Variants in ADCY9 observed in about 807,000 individuals in gnomAD.
The protein encoded by ADCY9 is adenylate cyclase 9.
A neutral mutation model predicts 101.5 loss-of-function variants in ADCY9; 50 were observed. The observed-to-expected ratio is 0.49, with a 90% CI of 0.39 to 0.62. The LOEUF is 0.62. ADCY9 is among the 20% of genes least tolerant of loss of function. The pLI, the probability that ADCY9 is intolerant of heterozygous loss-of-function variation, is 0.00. For missense variants in ADCY9, 1,662 were observed against 1,800.4 expected, an observed-to-expected ratio of 0.92 and a Z score of 1.39; for synonymous variants, 905 against 769.3, an observed-to-expected ratio of 1.18 and a Z score of -2.92.
At chr16:3,969,078 C>T (rs1234763325) in intron 10 of ADCY9, among the ~76,000 whole-genome samples, 4 of 152,140 alleles carry the variant, frequency 2.6e-5, no homozygotes, top group Non-Finnish European at 5.9e-5. Context: ...CCCGCCTCGG[C>T]CTCCCAAAGT....
rs544041362 is a variant in ADCY9, at chr16:4,068,324, CA to C, written c.1693+45425del. 3.5e-4 allele frequency among the ~76,000 whole-genome samples: 49 copies of C among 139,042 alleles called. 1 individual carries two copies. The highest frequency in any genetic ancestry group is 1.1e-3 in the South Asian group (5 of 4,412). The allele number at this position is 139,042 out of a possible 152,430, so 91.2% of individuals were successfully genotyped here. A position where few individuals can be genotyped will look rare whatever the true frequency, so the allele number is the denominator to read the frequency against. On this transcript the variant is annotated intron_variant, in intron 2 of 10. Coordinates refer to ENST00000294016, the MANE Select transcript of ADCY9 (RefSeq NM_001116.4). ...TCTAATAATAAAATCATATCTGTTG[CA>C]AAAAAAAAACAAAGCAAAAAAAATA...
rs1358886221 is a variant in ADCY9, at chr16:4,007,556, A to C, written c.1696T>G (p.Leu566Val). 3.7e-6 allele frequency: 6 copies of C among 1,605,940 alleles called. No individual in the cohort carries two copies. The South Asian group carries it at 5.6e-5, about 15-fold the overall frequency. Residue 566 changes from leucine to valine, a missense_variant and splice_region_variant, in exon 3 of 11, where the codon TTG becomes GTG. Physicochemically the swap from Leu to Val is conservative, Grantham distance 32. Around this residue, in one of 5 missense-constraint regions of ADCY9, gnomAD observed 624 missense variants for 639.1 expected, o/e 0.98. Coordinates refer to ENST00000294016, the MANE Select transcript of ADCY9 (RefSeq NM_001116.4). ...QSVVADQLKG[L>V]KTYLISGQRA... ...TGACCCGATATCAGGTATGTCTTCA[A>C]ACCTATGATGGATAAAAGTTACAGT...
chr16:3,998,337 G>A (rs1175204704), intron 3 of ADCY9, among the ~76,000 whole-genome samples: 1 of 152,134 alleles, frequency 6.6e-6, no homozygotes. Context: ...CTTGAGCCCA[G>A]GAGGGAGAGG....
chr16:4,102,080 C>T (rs2057046762), intron 2 of ADCY9, among the ~76,000 whole-genome samples: 5 of 152,096 alleles, frequency 3.3e-5, no homozygotes, highest in African/African-American at 7.2e-5. Context: ...CCAGATTGAG[C>T]GCAGGAAGAA....
At position 4,107,550 on chromosome 16, in the gene ADCY9, C is replaced by CAAAAA. The variant is rs61565312; in HGVS notation, c.1693+6195_1693+6199dup. On this transcript the variant is annotated intron_variant, in intron 2 of 10. Transcript: ENST00000294016. ...TGGGTGACACAGCCAGACTCTGTCT[C>CAAAAA]AAAAAAAAAAAAAAAAAAAAAAAAA... is the stretch of plus-strand genomic sequence containing the variant. Among the ~76,000 whole-genome samples, 21 of 72,842 alleles carry CAAAAA rather than the reference C, an allele frequency of 2.9e-4. 1 individual carries two copies. The highest frequency in any genetic ancestry group is 4.6e-4 in the Admixed American group (3 of 6,534). The allele number at this position is 72,842 out of a possible 152,430, so 47.8% of individuals were successfully genotyped here. A position where few individuals can be genotyped will look rare whatever the true frequency, so the allele number is the denominator to read the frequency against.
rs1002199492 is a variant in ADCY9 at position 3,983,304 on chromosome 16, G to T, written c.2447C>A (p.Pro816His). ...FLKYEAATVP[P>H]PPAALAVFSA... ...GAAGACCGCCAGGGCGGCGGGCGGG[G>T]GAGGCACGGTGGCCGCCTCGTACTT... The change falls in exon 7 of 11, where the codon CCC becomes CAC. Residue 816 changes from proline to histidine, a missense_variant. By Grantham distance (77) the Pro-to-His change is moderately conservative. Transcript: ENST00000294016. 2 of 1,565,598 alleles carry T rather than the reference G, an allele frequency of 1.3e-6. No homozygotes were observed. Among genetic ancestry groups the T allele is most frequent in the African/African-American group, 2.7e-5 (2 of 73,536 alleles).
chr16:4,105,054 A>C (rs1338706079), intron 2 of ADCY9, among the ~76,000 whole-genome samples: 17 of 31,922 alleles, frequency 5.3e-4, no homozygotes, highest in Non-Finnish European at 7.1e-5. Flanking sequence ...GGGCAACAAG[A>C]GGGAAAAAAA....
chr16:4,057,350 G>T (rs2056746835), intron 2 of ADCY9, among the ~76,000 whole-genome samples: 5 of 151,890 alleles, frequency 3.3e-5, no homozygotes, highest in Admixed American at 3.3e-4. Flanking sequence ...CTGTTTCCAG[G>T]GTACAATTCA....
At chr16:4,111,041 C>T (rs1367121733) in intron 2 of ADCY9, among the ~76,000 whole-genome samples, 3 of 152,180 alleles carry the variant, frequency 2.0e-5, no homozygotes, top group South Asian at 2.1e-4. Context: ...GCCAGGGGCA[C>T]GACACAGATT....
At chr16:3,978,006 C>T (rs1375663965) in intron 8 of ADCY9, among the ~76,000 whole-genome samples, 1 of 152,170 alleles carries the variant, frequency 6.6e-6, no homozygotes, top group Non-Finnish European at 1.5e-5. Flanking sequence ...GTATGAGCCA[C>T]CGCTCCCGGC....
At chr16:4,094,598 G>T (rs557006300) in intron 2 of ADCY9, among the ~76,000 whole-genome samples, 6 of 151,770 alleles carry the variant, frequency 4.0e-5, no homozygotes, top group African/African-American at 1.2e-4. Context: ...ATCGCTCGAG[G>T]CCCCGCAACA....
At chr16:4,113,043 G>A (rs576027038) in intron 2 of ADCY9, among the ~76,000 whole-genome samples, 7 of 152,118 alleles carry the variant, frequency 4.6e-5, no homozygotes, top group South Asian at 2.1e-4. Context: ...CGGCAGGTAC[G>A]TTTCTCCCTT....
In ADCY9 at chr16:4,026,628, G is replaced by A. The variant is rs1052763310; in HGVS notation, c.1694-19070C>T. Among the ~76,000 whole-genome samples, 5 of 152,202 alleles carry A rather than the reference G, an allele frequency of 3.3e-5. No individual in the cohort carries two copies. In the East Asian group the frequency reaches 7.7e-4, roughly 24 times the overall value. Reference sequence around the variant, plus strand: ...CAGGATGAATGGATAAACACACTGTGGTCCCTCCCCACAATGGGGCACTAC... The same window carrying A: ...CAGGATGAATGGATAAACACACTGTAGTCCCTCCCCACAATGGGGCACTAC... On this transcript the variant is annotated intron_variant, in intron 2 of 10. Coordinates refer to ENST00000294016, the MANE Select transcript of ADCY9 (RefSeq NM_001116.4).
intron 2 of ADCY9, among the ~76,000 whole-genome samples, chr16:4,018,969 G>GTGTGTGTGTGTGTGTGTGT (rs1410386929): frequency 1.3e-5 from 2 of 150,892 alleles, no homozygotes; most frequent in Non-Finnish European, 3.0e-5. Context: ...GTGTGTGTGT[G>GTGTGTGTGTGTGTGTGTGT]TTTTGTTTTG....
chr16:4,040,429 G>C (rs2056618988), intron 2 of ADCY9, among the ~76,000 whole-genome samples: 1 of 151,326 alleles, frequency 6.6e-6, no homozygotes, highest in African/African-American at 2.4e-5. Context: ...ACTTAACAAA[G>C]AACTGCTCAT....
At chr16:3,991,880 G>A (rs2056247211) in intron 5 of ADCY9, among the ~76,000 whole-genome samples, 1 of 151,798 alleles carries the variant, frequency 6.6e-6, no homozygotes, top group Non-Finnish European at 1.5e-5. Context: ...AGACCAGCCT[G>A]GCCAACATGA....
At chr16:4,100,784 G>A (rs542604165) in intron 2 of ADCY9, among the ~76,000 whole-genome samples, 2 of 151,254 alleles carry the variant, frequency 1.3e-5, no homozygotes, top group South Asian at 2.1e-4. Flanking sequence ...AACTCAGTCT[G>A]TAAATGGTAT....
chr16:3,979,098 G>A lies in ADCY9; in HGVS notation c.2679+18C>T, dbSNP rs372436089. Reference sequence around the variant, plus strand: ...GTCCAGGAGAGCGTGGAAATAAAACGGCTGAGCCTTTACTTACGTGTATGT... The same window carrying A: ...GTCCAGGAGAGCGTGGAAATAAAACAGCTGAGCCTTTACTTACGTGTATGT... On this transcript the variant is annotated intron_variant, in intron 8 of 10. Transcript: ENST00000294016. 23 of 1,613,806 alleles carry A rather than the reference G, an allele frequency of 1.4e-5. No homozygotes were observed. The highest frequency in any genetic ancestry group is 6.7e-5 in the Admixed American group (4 of 60,002).
intron 2 of ADCY9, among the ~76,000 whole-genome samples, chr16:4,067,906 A>G (rs1391214674): frequency 1.3e-5 from 2 of 152,158 alleles, no homozygotes; most frequent in African/African-American, 4.8e-5. Context: ...TCTATGTTGC[A>G]CTTTTGGTGA....
Sources: allele counts gnomAD v4.1 joint callset (sites outside exome capture counted in the v4.1 genomes callset), GRCh38; gene constraint gnomAD v4.1.1; regional missense constraint gnomAD v4.1.1; transcripts MANE v1.5; gene names NCBI Gene and HGNC (gene_info 2026-07-23, HGNC 2026-07-21).